The following KIAA1217 variants were observed in gnomAD, a reference collection of about 807,000 sequenced individuals.
KIAA1217 encodes KIAA1217.
In KIAA1217, 88 loss-of-function variants were observed where a neutral mutation model predicts 163.9. The ratio of observed to expected loss-of-function variants is 0.54; its 90% CI spans 0.45 to 0.64. The LOEUF is 0.64. KIAA1217 is among the 30% of genes least tolerant of loss of function. The pLI is 0.00. For synonymous variants in KIAA1217, 903 were observed against 923.1 expected, an observed-to-expected ratio of 0.98 and a Z score of 0.39; for missense variants, 2,372 against 2,475.0, an observed-to-expected ratio of 0.96 and a Z score of 0.88.
intron 2 of KIAA1217, among the ~76,000 whole-genome samples, chr10:24,257,514 G>A (rs1486855443): frequency 6.6e-6 from 1 of 151,990 alleles, no homozygotes; most frequent in Non-Finnish European, 1.5e-5. Flanking sequence ...CCCATCCCAG[G>A]ACCCTTTTTT....
At chr10:23,872,130 G>T (rs1254762894) in intron 1 of KIAA1217, among the ~76,000 whole-genome samples, 1 of 152,084 alleles carries the variant, frequency 6.6e-6, no homozygotes, top group Non-Finnish European at 1.5e-5. Flanking sequence ...GCAAGTATTT[G>T]TGGTCAGAAA....
At chr10:23,980,603 T>A (rs1845723228) in intron 1 of KIAA1217, among the ~76,000 whole-genome samples, 1 of 152,164 alleles carries the variant, frequency 6.6e-6, no homozygotes, top group Admixed American at 6.5e-5. Flanking sequence ...GACAGCCATG[T>A]TGTAAGGCAT....
chr10:24,040,673 A>G (rs1036170360), intron 2 of KIAA1217, among the ~76,000 whole-genome samples: 9 of 152,084 alleles, frequency 5.9e-5, no homozygotes, highest in African/African-American at 1.9e-4. Context: ...TTACTCCCAC[A>G]TTTTTTCCTC....
intron 2 of KIAA1217, among the ~76,000 whole-genome samples, chr10:24,359,144 C>A (rs538747763): frequency 1.8e-4 from 25 of 139,020 alleles, no homozygotes; most frequent in African/African-American, 6.4e-4. Context: ...GGCTGGAGTG[C>A]AGTGGTGCTA....
At chr10:24,504,714 A>T (rs2068112702) in intron 9 of KIAA1217, among the ~76,000 whole-genome samples, 1 of 152,256 alleles carries the variant, frequency 6.6e-6, no homozygotes, top group Non-Finnish European at 1.5e-5. Flanking sequence ...TGTGCTTGGC[A>T]GCCAGCTCCA....
intron 1 of KIAA1217, among the ~76,000 whole-genome samples, chr10:23,956,836 TACTC>T (rs1844584686): frequency 2.0e-5 from 3 of 151,986 alleles, no homozygotes; most frequent in African/African-American, 7.3e-5. Flanking sequence ...TCAGAGAACT[TACTC>T]ATTACGAGGA....
At chr10:24,263,895 C>T (rs2131783285) in intron 2 of KIAA1217, among the ~76,000 whole-genome samples, 1 of 152,098 alleles carries the variant, frequency 6.6e-6, no homozygotes, top group East Asian at 1.9e-4. Context: ...CTCGCTCTGT[C>T]AACCCAGGCT....
At chr10:23,757,386 T>G (rs1833975406) in intron 1 of KIAA1217, among the ~76,000 whole-genome samples, 1 of 152,212 alleles carries the variant, frequency 6.6e-6, no homozygotes, top group Non-Finnish European at 1.5e-5. Flanking sequence ...ACACCGGTCA[T>G]TTTTTATATT....
intron 2 of KIAA1217, among the ~76,000 whole-genome samples, chr10:24,176,783 G>A (rs530896019): frequency 9.2e-5 from 14 of 152,324 alleles, no homozygotes; most frequent in East Asian, 7.8e-4. Flanking sequence ...CGGGGGTGGC[G>A]CCCATCGGGG....
chr10:23,797,525 T>C (rs1165382773), intron 1 of KIAA1217, among the ~76,000 whole-genome samples: 1 of 151,260 alleles, frequency 6.6e-6, no homozygotes, highest in Non-Finnish European at 1.5e-5. Context: ...AGCAAAGAAG[T>C]TTAATTGACT....
At chr10:23,762,338 A>G (rs1834301757) in intron 1 of KIAA1217, among the ~76,000 whole-genome samples, 1 of 152,108 alleles carries the variant, frequency 6.6e-6, no homozygotes, top group South Asian at 2.1e-4. Flanking sequence ...AAACAGGCCA[A>G]TATCCCGGAT....
intron 2 of KIAA1217, among the ~76,000 whole-genome samples, chr10:24,331,587 A>G (rs769754562): frequency 6.6e-5 from 10 of 152,264 alleles, no homozygotes; most frequent in Admixed American, 2.0e-4. Flanking sequence ...CGTGGCTTGA[A>G]TAGCTGGGTG....
intron 1 of KIAA1217, among the ~76,000 whole-genome samples, chr10:23,885,883 A>T (rs1170186066): frequency 6.6e-6 from 1 of 151,966 alleles, no homozygotes; most frequent in Non-Finnish European, 1.5e-5. Context: ...AATCAATTCC[A>T]AATTGAGCTG....
intron 9 of KIAA1217, among the ~76,000 whole-genome samples, chr10:24,503,733 T>C (rs751199869): frequency 5.9e-5 from 9 of 151,704 alleles, no homozygotes; most frequent in Non-Finnish European, 1.3e-4. Context: ...AAGGACACAA[T>C]TGCAGTTCAG....
At chr10:23,702,504 A>G (rs566913398) in intron 1 of KIAA1217, among the ~76,000 whole-genome samples, 96 of 152,290 alleles carry the variant, frequency 6.3e-4, no homozygotes, top group African/African-American at 2.3e-3. Context: ...GCATTCAAAA[A>G]TAATACTATA....
At chr10:24,367,548 A>G (rs1199562664) in intron 2 of KIAA1217, among the ~76,000 whole-genome samples, 1 of 152,174 alleles carries the variant, frequency 6.6e-6, no homozygotes, top group African/African-American at 2.4e-5. Context: ...CTAAGCAGAG[A>G]TCCTATCCTT....
intron 6 of KIAA1217, among the ~76,000 whole-genome samples, chr10:24,490,716 C>T (rs2065996560): frequency 6.6e-6 from 1 of 152,170 alleles, no homozygotes; most frequent in Non-Finnish European, 1.5e-5. Flanking sequence ...GTATTCGGTG[C>T]TCTGTGTGCT....
chr10:24,456,333 A>G (rs1162367869), intron 5 of KIAA1217, among the ~76,000 whole-genome samples: 1 of 152,226 alleles, frequency 6.6e-6, no homozygotes, highest in Admixed American at 6.5e-5. Context: ...GAATACATTC[A>G]AGTGAGTATT....
chr10:24,301,397 T>C (rs886782886), intron 2 of KIAA1217, among the ~76,000 whole-genome samples: 3 of 152,220 alleles, frequency 2.0e-5, no homozygotes, highest in African/African-American at 7.2e-5. Context: ...ATAAATTGAT[T>C]ATAAAGCATA....
Sources: allele counts gnomAD v4.1 joint callset (sites outside exome capture counted in the v4.1 genomes callset), GRCh38; gene constraint gnomAD v4.1.1; transcripts MANE v1.5; gene names NCBI Gene and HGNC (gene_info 2026-07-23, HGNC 2026-07-21).